The following DNAJC24 variants were observed in gnomAD, a reference collection of about 807,000 sequenced individuals.
DNAJC24 encodes DnaJ heat shock protein family (Hsp40) member C24, also known as dnaJ homolog subfamily C member 24.
DNAJC24 carries 17 observed loss-of-function variants against 18.0 expected under a neutral mutation model. The ratio of observed to expected loss-of-function variants is 0.94; its 90% CI spans 0.65 to 1.42. The LOEUF is 1.42. Ranked by LOEUF, DNAJC24 falls within the 40% of genes most tolerant of loss-of-function variation. DNAJC24 has a pLI of 0.00. For missense variants in DNAJC24, 158 were observed against 175.6 expected (o/e 0.90, Z 0.57); for synonymous variants, 55 against 57.7 (o/e 0.95, Z 0.21).
rs1294634870 is a variant in DNAJC24 at position 31,430,288 on chromosome 11, C to A, written c.337C>A (p.Leu113Met). The A allele has an allele frequency of 6.2e-7, 1 of 1,606,220 alleles. No homozygotes were observed. The highest frequency in any genetic ancestry group is 8.5e-7 in the Non-Finnish European group (1 of 1,175,320). The change falls in exon 5 of 5, where the codon CTG becomes ATG. Residue 113 changes from leucine to methionine, a missense_variant. Leu to Met is a conservative substitution (Grantham distance 15). Coordinates refer to ENST00000465995, the MANE Select transcript of DNAJC24 (RefSeq NM_181706.5). ...TTTTGCAGGTGATCACTCTTTTTAT[C>A]TGAGTTGCAGATGTGGTGGAAAATA... ...SWNEGDHSFY[L>M]SCRCGGKYSV... is the part of the protein sequence containing the mutation.
At chr11:31,412,233 C>G (rs1184118889) in intron 2 of DNAJC24, among the ~76,000 whole-genome samples, 1 of 152,034 alleles carries the variant, frequency 6.6e-6, no homozygotes, top group Admixed American at 6.6e-5. Context: ...GGTGCATGAT[C>G]AGGCCTAACC....
intron 2 of DNAJC24, among the ~76,000 whole-genome samples, chr11:31,383,274 A>G (rs1952396119): frequency 6.6e-6 from 1 of 151,968 alleles, no homozygotes; most frequent in Admixed American, 6.6e-5. Context: ...TGAAAGTCCC[A>G]ACCCTCCAAT....
intron 2 of DNAJC24, 30 bp downstream of exon 2, chr11:31,370,889 TG>T: frequency 6.9e-7 from 1 of 1,445,616 alleles, no homozygotes; most frequent in South Asian, 1.3e-5. Context: ...TTTTAAATCA[TG>T]AGGGGAAAAA....
At chr11:31,370,127 T>A (rs1043099318) in intron 1 of DNAJC24, among the ~76,000 whole-genome samples, 26 of 152,170 alleles carry the variant, frequency 1.7e-4, no homozygotes, top group African/African-American at 6.3e-4. Flanking sequence ...CATCCTCGCG[T>A]AGAGAGTTTC....
At chr11:31,389,155 A>G (rs959949955) in intron 2 of DNAJC24, among the ~76,000 whole-genome samples, 2 of 152,190 alleles carry the variant, frequency 1.3e-5, no homozygotes, top group African/African-American at 2.4e-5. Context: ...GTAAGTCCTT[A>G]CTTATCAATA....
chr11:31,379,817 G>A (rs138871591), intron 2 of DNAJC24, among the ~76,000 whole-genome samples: 68 of 152,132 alleles, frequency 4.5e-4, no homozygotes, highest in Middle Eastern at 3.4e-3. Context: ...GAGTGCAGTG[G>A]TGCGATCTAG....
intron 3 of DNAJC24, 164 bp downstream of exon 3, chr11:31,415,113 C>T: frequency 1.4e-6 from 1 of 706,908 alleles, no homozygotes; most frequent in Non-Finnish European, 2.2e-6. Context: ...TTAGCAGTGA[C>T]TATTGTGTAT....
intron 2 of DNAJC24, among the ~76,000 whole-genome samples, chr11:31,404,288 C>T (rs1241995569): frequency 6.6e-6 from 1 of 152,176 alleles, no homozygotes; most frequent in African/African-American, 2.4e-5. Flanking sequence ...TACCCAGCTC[C>T]TATTCAAGAT....
intron 2 of DNAJC24, chr11:31,396,447 T>C (rs1172591778): frequency 1.8e-5 from 6 of 329,318 alleles, no homozygotes; most frequent in Non-Finnish European, 3.6e-5. Context: ...TTAGAGGAGT[T>C]CATAACTCAA....
chr11:31,428,141 A>G (rs1442006091), intron 4 of DNAJC24, among the ~76,000 whole-genome samples: 1 of 152,078 alleles, frequency 6.6e-6, no homozygotes, highest in Non-Finnish European at 1.5e-5. Flanking sequence ...ATGCTAACAT[A>G]TGGAAGGAAA....
intron 2 of DNAJC24, among the ~76,000 whole-genome samples, chr11:31,400,788 T>C (rs1221459636): frequency 6.6e-6 from 1 of 152,148 alleles, no homozygotes; most frequent in African/African-American, 2.4e-5. Context: ...GAAGAAAACC[T>C]AGGCAATACC....
chr11:31,421,933 A>G (rs976120640), intron 3 of DNAJC24: 2 of 436,950 alleles, frequency 4.6e-6, no homozygotes, highest in Non-Finnish European at 9.2e-6. Flanking sequence ...GTGTGAAAGA[A>G]TCTCCGTAGA....
intron 3 of DNAJC24, chr11:31,422,006 T>C (rs1952809181): frequency 2.3e-6 from 1 of 438,348 alleles, no homozygotes; most frequent in Non-Finnish European, 4.6e-6. Flanking sequence ...CTGCCAGTGT[T>C]TTCTTAGATC....
chr11:31,378,306 G>T (rs925528930), intron 2 of DNAJC24, among the ~76,000 whole-genome samples: 5 of 152,028 alleles, frequency 3.3e-5, no homozygotes, highest in African/African-American at 9.7e-5. Flanking sequence ...TGTCATCTAG[G>T]TATTATTAAT....
chr11:31,426,291 T>A lies in DNAJC24; in HGVS notation c.255T>A (p.Asp85Glu), dbSNP rs1361510736. 1 of 1,533,498 alleles carries A rather than the reference T, an allele frequency of 6.5e-7. No individual in the cohort carries two copies. The highest frequency in any genetic ancestry group is 8.9e-7 in the Non-Finnish European group (1 of 1,127,654). 95.0% of individuals were successfully genotyped at this position (1,533,498 alleles called of 1,614,324 possible). A position where few individuals can be genotyped will look rare whatever the true frequency, so the allele number is the denominator to read the frequency against. ...KREYDLQRCEDDLRNVGPVDA... is the reference protein window; with the variant it reads ...KREYDLQRCEEDLRNVGPVDA... ...GTCATGTTTTATGTTTTACAGAAGATGATCTAAGAAATGTAGGACCAGTAG... is the reference window on the plus strand; with the variant it reads ...GTCATGTTTTATGTTTTACAGAAGAAGATCTAAGAAATGTAGGACCAGTAG... The change falls in exon 4 of 5, where the codon GAT becomes GAA. Residue 85 changes from aspartate to glutamate, a missense_variant. By Grantham distance (45) the Asp-to-Glu change is conservative. Coordinates refer to ENST00000465995, the MANE Select transcript of DNAJC24 (RefSeq NM_181706.5).
intron 2 of DNAJC24, among the ~76,000 whole-genome samples, chr11:31,390,705 TAA>T (rs34050503): frequency 0.067 from 7,635 of 113,970 alleles, 592 homozygotes; most frequent in African/African-American, 0.19. Flanking sequence ...GATTCCATCT[TAA>T]AAAAAAAAAA....
chr11:31,375,444 T>C (rs891648491), intron 2 of DNAJC24, among the ~76,000 whole-genome samples: 1 of 135,400 alleles, frequency 7.4e-6, no homozygotes, highest in Non-Finnish European at 1.7e-5. Context: ...TGGACTGTAA[T>C]AAAAGGTTGA....
At chr11:31,392,004 C>G (rs1214086168) in intron 2 of DNAJC24, among the ~76,000 whole-genome samples, 6 of 152,066 alleles carry the variant, frequency 3.9e-5, no homozygotes, top group Admixed American at 6.5e-5. Flanking sequence ...CAGAGAAATA[C>G]AAACTTTACA....
intron 2 of DNAJC24, among the ~76,000 whole-genome samples, chr11:31,372,200 T>C (rs1952271666): frequency 6.6e-6 from 1 of 152,146 alleles, no homozygotes; most frequent in East Asian, 1.9e-4. Flanking sequence ...TCAATCTGTA[T>C]TGTGATGCTT....
Sources: gnomAD v4.1 joint callset for allele counts (sites outside exome capture counted in the v4.1 genomes callset) on GRCh38, gnomAD v4.1.1 for gene constraint, MANE v1.5 for transcripts, NCBI Gene and HGNC (gene_info 2026-07-23, HGNC 2026-07-21) for gene names.